The following CDC27 variants were observed in gnomAD, a reference collection of about 807,000 sequenced individuals.
CDC27 encodes the protein cell division cycle 27, also known as cell division cycle protein 27 homolog.
Under a neutral mutation model 109.7 loss-of-function variants are expected in CDC27, and 27 were observed. The observed-to-expected ratio is 0.25, with a 90% confidence interval of 0.18 to 0.34. The LOEUF (loss-of-function observed/expected upper bound fraction) is 0.34, where lower values mean the gene tolerates loss of function less well. Ranked by LOEUF, CDC27 falls within the 10% of genes least tolerant of loss-of-function variation. The pLI is 1.00. For synonymous variants in CDC27, 266 were observed against 333.9 expected (o/e 0.80, Z 2.22); for missense variants, 579 against 960.2 (o/e 0.60, Z 5.25).
At chr17:47,188,361 A>G (rs1350296813) in intron 1 of CDC27, among the ~76,000 whole-genome samples, 3 of 152,198 alleles carry the variant, frequency 2.0e-5, no homozygotes, top group Non-Finnish European at 4.4e-5. Flanking sequence ...GGGTTCCTTT[A>G]ATGCAACACA....
chr17:47,162,248 T>C (rs2063519945), intron 4 of CDC27, among the ~76,000 whole-genome samples: 1 of 152,180 alleles, frequency 6.6e-6, no homozygotes, highest in Non-Finnish European at 1.5e-5. Context: ...TGGCTTAAGT[T>C]CCCTCTTTAT....
intron 10 of CDC27, among the ~76,000 whole-genome samples, chr17:47,142,771 C>A (rs915048115): frequency 6.6e-6 from 1 of 152,170 alleles, no homozygotes; most frequent in African/African-American, 2.4e-5. Flanking sequence ...CTCTGCCTCC[C>A]GGGTTCAAGC....
chr17:47,188,747 G>A (rs1278253316), intron 1 of CDC27: 2 of 1,034,898 alleles, frequency 1.9e-6, no homozygotes, highest in Non-Finnish European at 2.3e-6. Flanking sequence ...TTGCCCTACC[G>A]TCACGAAGAT....
At chr17:47,186,699 G>A (rs1053510276) in intron 1 of CDC27, among the ~76,000 whole-genome samples, 8 of 152,036 alleles carry the variant, frequency 5.3e-5, no homozygotes, top group African/African-American at 1.4e-4. Flanking sequence ...AATTTGAGAC[G>A]GAGTTTTAAT....
chr17:47,155,166 C>T (rs1283947630), intron 7 of CDC27, among the ~76,000 whole-genome samples: 1 of 152,130 alleles, frequency 6.6e-6, no homozygotes, highest in East Asian at 1.9e-4. Flanking sequence ...CTATAACTCT[C>T]CAGAGTTGTA....
chr17:47,143,834 A>G, intron 10 of CDC27, 49 bp downstream of exon 10: 1 of 814,428 alleles, frequency 1.2e-6, no homozygotes, highest in East Asian at 2.9e-5. Context: ...CAGAAATGTT[A>G]GCAGGCGAAG....
chr17:47,132,330 A>C lies in CDC27; in HGVS notation c.1958T>G (p.Leu653Arg), dbSNP rs1883464754. 1 of 1,605,982 alleles carries C rather than the reference A, an allele frequency of 6.2e-7. No individual in the cohort carries two copies. The highest frequency in any genetic ancestry group is 1.3e-5 in the African/African-American group (1 of 74,728). ...CGCTTTTTGGAAATGCATTTCTGCA[A>C]GGCTGAATTTTTCTTGCTTGTAATA... ...MIYYKQEKFS[L>R]AEMHFQKALD... Residue 653 changes from leucine to arginine, a missense_variant, in exon 15 of 19, where the codon CTT (leucine) becomes CGT (arginine). Physicochemically the swap from Leu to Arg is moderately radical, Grantham distance 102. Around this residue, in one of 9 missense-constraint regions of CDC27, gnomAD observed 227 missense variants for 363.6 expected, o/e 0.62. Transcript: ENST00000066544.
At chr17:47,183,587 A>G (rs2064321676) in intron 1 of CDC27, among the ~76,000 whole-genome samples, 1 of 152,176 alleles carries the variant, frequency 6.6e-6, no homozygotes, top group African/African-American at 2.4e-5. Flanking sequence ...AAGGAAAAAG[A>G]TGAGATTAGG....
intron 9 of CDC27, among the ~76,000 whole-genome samples, chr17:47,144,871 T>TCACACACA (rs35160918): frequency 6.7e-5 from 10 of 149,888 alleles, no homozygotes; most frequent in Non-Finnish European, 1.3e-4. Context: ...TGTGTGTATA[T>TCACACACA]CACACACACA....
intron 1 of CDC27, among the ~76,000 whole-genome samples, chr17:47,186,782 T>C (rs1461819420): frequency 2.0e-5 from 3 of 152,112 alleles, no homozygotes; most frequent in Admixed American, 6.6e-5. Context: ...CAGAAAACAG[T>C]TCTTCATATT....
At chr17:47,187,364 C>T (rs2064479395) in intron 1 of CDC27, among the ~76,000 whole-genome samples, 1 of 151,924 alleles carries the variant, frequency 6.6e-6, no homozygotes, top group Non-Finnish European at 1.5e-5. Flanking sequence ...GCAGCGGGAC[C>T]ATGTCGGCTC....
At chr17:47,121,548 T>C (rs148257449) in intron 18 of CDC27, among the ~76,000 whole-genome samples, 2,793 of 152,184 alleles carry the variant, frequency 0.018, 40 homozygotes, top group Middle Eastern at 0.075. Context: ...AGTGGTATGA[T>C]TCTCCTGCCT....
At chr17:47,181,414 A>G (rs2064233043) in intron 2 of CDC27, 148 bp downstream of exon 2, 1 of 481,420 alleles carries the variant, frequency 2.1e-6, no homozygotes. Flanking sequence ...GGAACTACAC[A>G]GAAAAAAAGT....
intron 2 of CDC27, among the ~76,000 whole-genome samples, chr17:47,177,857 T>TAC (rs34596516): frequency 3.9e-3 from 585 of 150,384 alleles, no homozygotes; most frequent in Middle Eastern, 0.01. Context: ...TATGTGTGTG[T>TAC]ACACACACAC....
intron 1 of CDC27, among the ~76,000 whole-genome samples, chr17:47,183,486 T>C (rs1040209971): frequency 6.6e-6 from 1 of 152,190 alleles, no homozygotes; most frequent in Non-Finnish European, 1.5e-5. Context: ...TAGTTTGGGA[T>C]CTCCAGAGCC....
At chr17:47,135,920 C>T (rs190819495) in intron 14 of CDC27, among the ~76,000 whole-genome samples, 1 of 152,102 alleles carries the variant, frequency 6.6e-6, no homozygotes, top group Non-Finnish European at 1.5e-5. Context: ...GTGGGTGGAT[C>T]ATGAGGTCAG....
At chr17:47,130,078 CT>C (rs1220305182) in intron 15 of CDC27, among the ~76,000 whole-genome samples, 2 of 152,088 alleles carry the variant, frequency 1.3e-5, no homozygotes, top group African/African-American at 4.8e-5. Context: ...AATGATTTTA[CT>C]GGCCAGGTGC....
intron 13 of CDC27, among the ~76,000 whole-genome samples, chr17:47,138,185 G>C (rs2062680964): frequency 6.6e-6 from 1 of 152,078 alleles, no homozygotes. Context: ...ATCTATCTCT[G>C]TTTCAAACTC....
In CDC27 at chr17:47,133,072, C is replaced by CAT. The variant is rs1342554967; in HGVS notation, c.1914-699_1914-698insAT. On this transcript the variant is annotated intron_variant, in intron 14 of 18. Transcript: ENST00000066544. ...ACACACACATACATATACACACACA[C>CAT]ACACACACACACAAACACACACACA... Among the ~76,000 whole-genome samples, 22 of 81,232 alleles carry CAT rather than the reference C, an allele frequency of 2.7e-4. 1 individual carries two copies. In the East Asian group the frequency reaches 9.7e-3, roughly 36 times the overall value. The allele number at this position is 81,232 out of a possible 152,430, so 53.3% of individuals were successfully genotyped here. A position where few individuals can be genotyped will look rare whatever the true frequency, so the allele number is the denominator to read the frequency against.
Sources: gnomAD v4.1 joint callset for allele counts (sites outside exome capture counted in the v4.1 genomes callset) on GRCh38, gnomAD v4.1.1 for gene constraint, gnomAD v4.1.1 regional missense constraint, MANE v1.5 for transcripts, NCBI Gene and HGNC (gene_info 2026-07-23, HGNC 2026-07-21) for gene names.